Variants in VEPH1 observed in about 807,000 individuals in gnomAD.
The protein encoded by VEPH1 is ventricular zone expressed PH domain containing 1.
VEPH1 carries 80 observed loss-of-function variants against 85.2 expected under a neutral mutation model. The observed-to-expected ratio is 0.94, with a 90% CI of 0.78 to 1.13. The LOEUF (loss-of-function observed/expected upper bound fraction) is 1.13, where lower values mean the gene tolerates loss of function less well. Among genes scored for constraint, VEPH1 ranks in the 50% most tolerant of loss-of-function variants. The pLI is 0.00. For synonymous variants in VEPH1, 297 were observed against 348.0 expected (o/e 0.85, Z 1.63); for missense variants, 955 against 980.5 (o/e 0.97, Z 0.35).
chr3:157,474,371 T>A (rs139155339), intron 2 of VEPH1, among the ~76,000 whole-genome samples: 129 of 152,314 alleles, frequency 8.5e-4, no homozygotes, highest in Non-Finnish European at 1.6e-3. Flanking sequence ...TTTTTTCTTA[T>A]CTGACTAAAG....
chr3:157,404,723 G>A (rs1015198325), intron 6 of VEPH1, among the ~76,000 whole-genome samples: 1 of 152,148 alleles, frequency 6.6e-6, no homozygotes, highest in East Asian at 1.9e-4. Context: ...TACGCCATGT[G>A]TCTTAGCAGA....
At chr3:157,415,174 C>T (rs1341535904) in intron 5 of VEPH1, 1 of 152,092 alleles carries the variant, frequency 6.6e-6, no homozygotes, top group East Asian at 1.9e-4. Context: ...GATTCCAATG[C>T]CCAAGAATCC....
chr3:157,415,596 T>C (rs78040584), intron 5 of VEPH1, among the ~76,000 whole-genome samples: 1,977 of 152,138 alleles, frequency 0.013, 41 homozygotes, highest in African/African-American at 0.043. Context: ...ACAATGGTGT[T>C]TTTTCCTGCC....
At chr3:157,284,021 G>A (rs549565602) in intron 12 of VEPH1, among the ~76,000 whole-genome samples, 13 of 152,324 alleles carry the variant, frequency 8.5e-5, no homozygotes, top group South Asian at 6.2e-4. Context: ...AGGCAGGTAA[G>A]TGGATCAAGC....
chr3:157,390,226 A>G (rs1252399111), intron 6 of VEPH1, among the ~76,000 whole-genome samples: 1 of 152,216 alleles, frequency 6.6e-6, no homozygotes, highest in Non-Finnish European at 1.5e-5. Flanking sequence ...AAGTTTGAAC[A>G]ATGTAATTTT....
intron 12 of VEPH1, among the ~76,000 whole-genome samples, chr3:157,283,585 C>T (rs992827118): frequency 8.5e-5 from 13 of 152,136 alleles, no homozygotes; most frequent in Non-Finnish European, 1.6e-4. Context: ...ATGAGACTTA[C>T]TTGAAGACAG....
chr3:157,311,640 G>C (rs1369269919), intron 11 of VEPH1, among the ~76,000 whole-genome samples: 1 of 151,958 alleles, frequency 6.6e-6, no homozygotes, highest in Admixed American at 6.6e-5. Context: ...ATGTTTATTA[G>C]CATGAAACAC....
intron 4 of VEPH1, among the ~76,000 whole-genome samples, chr3:157,436,563 C>T (rs906035526): frequency 3.3e-5 from 5 of 152,184 alleles, no homozygotes; most frequent in African/African-American, 1.2e-4. Context: ...CCTCCTTCAT[C>T]CCCATTGCTA....
intron 9 of VEPH1, among the ~76,000 whole-genome samples, chr3:157,330,194 A>C (rs1186761012): frequency 6.6e-6 from 1 of 152,190 alleles, no homozygotes; most frequent in African/African-American, 2.4e-5. Flanking sequence ...TAACAACTTC[A>C]CTTTGAAATT....
At chr3:157,454,083 T>C (rs771285900) in intron 4 of VEPH1, among the ~76,000 whole-genome samples, 5 of 152,180 alleles carry the variant, frequency 3.3e-5, no homozygotes, top group Non-Finnish European at 4.4e-5. Context: ...TTCATAAATC[T>C]GTTATTTGCA....
At chr3:157,450,048 C>CTTTTATTT (rs1734838952) in intron 4 of VEPH1, among the ~76,000 whole-genome samples, 1 of 77,324 alleles carries the variant, frequency 1.3e-5, no homozygotes, top group African/African-American at 4.8e-5. Context: ...AGAATATTTA[C>CTTTTATTT]TTTTTTTTTT....
At chr3:157,446,781 C>T (rs558231919) in intron 4 of VEPH1, among the ~76,000 whole-genome samples, 2 of 152,232 alleles carry the variant, frequency 1.3e-5, no homozygotes, top group South Asian at 2.1e-4. Context: ...ATCGTTGATC[C>T]TTGCATCAAG....
chr3:157,442,829 A>C (rs757585093), intron 4 of VEPH1: 2 of 1,614,106 alleles, frequency 1.2e-6, no homozygotes, highest in South Asian at 2.2e-5. Flanking sequence ...TCTCTGGGAG[A>C]CTCACAGGCT....
chr3:157,276,545 GA>G (rs1559917488), intron 12 of VEPH1, among the ~76,000 whole-genome samples: 1 of 152,126 alleles, frequency 6.6e-6, no homozygotes, highest in Non-Finnish European at 1.5e-5. Context: ...TATGATATAC[GA>G]AAGAGTAAAA....
At chr3:157,369,197 A>AC (rs1335546671) in intron 7 of VEPH1, among the ~76,000 whole-genome samples, 15 of 147,686 alleles carry the variant, frequency 1.0e-4, no homozygotes, top group African/African-American at 3.7e-4. Flanking sequence ...AAAAAAAAAA[A>AC]AAAAAAACCT....
At chr3:157,308,449 T>TGGG (rs1719754030) in intron 11 of VEPH1, among the ~76,000 whole-genome samples, 3 of 152,036 alleles carry the variant, frequency 2.0e-5, no homozygotes, top group Non-Finnish European at 4.4e-5. Context: ...TATGTATATA[T>TGGG]TTGAGTTGGT....
intron 7 of VEPH1, among the ~76,000 whole-genome samples, chr3:157,375,332 A>G (rs1254580816): frequency 1.3e-5 from 2 of 152,204 alleles, no homozygotes; most frequent in Non-Finnish European, 2.9e-5. Flanking sequence ...GGTCTTGGAC[A>G]ATGTCTTGGG....
At chr3:157,302,410 A>G (rs1200347324) in intron 11 of VEPH1, among the ~76,000 whole-genome samples, 2 of 152,198 alleles carry the variant, frequency 1.3e-5, no homozygotes, top group African/African-American at 4.8e-5. Flanking sequence ...CCCCAAGGTG[A>G]TACCATTGGG....
chr3:157,460,757 T>C (rs895450127), intron 3 of VEPH1, among the ~76,000 whole-genome samples: 3 of 152,022 alleles, frequency 2.0e-5, no homozygotes, highest in African/African-American at 7.2e-5. Context: ...GAAGAGTAGG[T>C]ATGCAGAGAC....
Sources: gnomAD v4.1 joint callset for allele counts (sites outside exome capture counted in the v4.1 genomes callset) on GRCh38, gnomAD v4.1.1 for gene constraint, MANE v1.5 for transcripts, NCBI Gene and HGNC (gene_info 2026-07-23, HGNC 2026-07-21) for gene names.